Variants in HPSE2 observed in about 807,000 individuals in gnomAD.
HPSE2 encodes the protein inactive heparanase-2.
A neutral mutation model predicts 60.5 loss-of-function variants in HPSE2; 38 were observed. That is an observed-to-expected ratio of 0.63 (90% CI 0.48 to 0.82). HPSE2 has a LOEUF of 0.82. Ranked by LOEUF, HPSE2 falls within the 40% of genes least tolerant of loss-of-function variation. The pLI is 0.00. For synonymous variants in HPSE2, 295 were observed against 293.2 expected (o/e 1.01, Z -0.06); for missense variants, 713 against 740.4 (o/e 0.96, Z 0.43).
chr10:98,688,510 C>T (rs1335203821), intron 6 of HPSE2, among the ~76,000 whole-genome samples: 1 of 87,048 alleles, frequency 1.1e-5, no homozygotes, highest in Non-Finnish European at 2.3e-5. Flanking sequence ...GAATCTTGCT[C>T]TGTTGCCCAG....
Position 99,171,552 on chromosome 10 carries a change from AC to A in HPSE2, c.449-27154del, listed in dbSNP as rs553202305. 1.6e-3 allele frequency among the ~76,000 whole-genome samples: 251 copies of A among 152,314 alleles called. 1 individual carries two copies. The highest frequency in any genetic ancestry group is 5.6e-3 in the African/African-American group (233 of 41,580). ...CCAATATCAAGAGGACCCTAAAAAAACAACCTTATAAGAAAATTAGTTAGAA... is the reference window on the plus strand; with the variant it reads ...CCAATATCAAGAGGACCCTAAAAAAAAACCTTATAAGAAAATTAGTTAGAA... On this transcript the variant is annotated intron_variant, in intron 2 of 11. Transcript: ENST00000370552.
chr10:98,976,957 T>C (rs940993948), intron 3 of HPSE2, among the ~76,000 whole-genome samples: 2 of 152,022 alleles, frequency 1.3e-5, no homozygotes, highest in African/African-American at 4.8e-5. Context: ...CAGGTGGAGA[T>C]TGGAGTGATG....
intron 2 of HPSE2, among the ~76,000 whole-genome samples, chr10:99,156,856 T>C (rs1460536866): frequency 2.5e-5 from 2 of 79,344 alleles, no homozygotes; most frequent in Non-Finnish European, 3.8e-5. Flanking sequence ...AAAACCCCAT[T>C]GTCTCAGCCC....
intron 9 of HPSE2, among the ~76,000 whole-genome samples, chr10:98,530,611 C>A (rs1457932532): frequency 4.6e-5 from 7 of 152,232 alleles, no homozygotes; most frequent in African/African-American, 1.7e-4. Context: ...CACTGCCTGA[C>A]AAGCTCCTGG....
intron 10 of HPSE2, among the ~76,000 whole-genome samples, chr10:98,485,162 G>A (rs971868030): frequency 6.6e-6 from 1 of 152,148 alleles, no homozygotes; most frequent in African/African-American, 2.4e-5. Flanking sequence ...AGTTTCCAGG[G>A]CTCTTCCGTG....
At chr10:98,937,921 C>T (rs1954857702) in intron 3 of HPSE2, among the ~76,000 whole-genome samples, 2 of 143,566 alleles carry the variant, frequency 1.4e-5, no homozygotes, top group South Asian at 2.1e-4. Context: ...CAGCAGCATT[C>T]GCGGTTCATA....
rs1849810451 is a variant in HPSE2, at chr10:99,235,536, ATGAATGATGGAC to A, written c.255_266del (p.Ser86_His89del). The A allele has an allele frequency of 6.2e-7, 1 of 1,614,164 alleles. No individual in the cohort carries two copies. Among genetic ancestry groups the A allele is most frequent in the African/African-American group, 1.3e-5 (1 of 75,034 alleles). ...ACCTTAGGAAATCGAGCCAGCCATC[ATGAATGATGGAC>A]GGATCCAGCTGCAGAGAGAGGAAGT... On this transcript the variant is annotated inframe_deletion, in exon 1 of 12. Transcript: ENST00000370552.
intron 3 of HPSE2, among the ~76,000 whole-genome samples, chr10:98,893,585 T>C (rs1270731576): frequency 1.3e-5 from 2 of 152,126 alleles, no homozygotes; most frequent in East Asian, 3.9e-4. Context: ...GCAAATTAGA[T>C]ACCCTGAACA....
intron 3 of HPSE2, among the ~76,000 whole-genome samples, chr10:98,801,114 T>A (rs908443239): frequency 2.0e-5 from 3 of 152,158 alleles, no homozygotes; most frequent in Non-Finnish European, 4.4e-5. Flanking sequence ...AAAAACCATA[T>A]GATCATTTCA....
chr10:99,307,903 CAG>C, the HPSE2 span, among the ~76,000 whole-genome samples: 5 of 150,106 alleles, frequency 3.3e-5, no homozygotes, highest in East Asian at 1.9e-4. Flanking sequence ...AAACCTGAAA[CAG>C]AGGTTCACAA....
chr10:98,583,973 T>C (rs1354385419), intron 9 of HPSE2, among the ~76,000 whole-genome samples: 1 of 152,186 alleles, frequency 6.6e-6, no homozygotes, highest in Non-Finnish European at 1.5e-5. Flanking sequence ...AAAAATCACC[T>C]ACAGGCTTTT....
At chr10:98,502,905 C>T (rs889302121) in intron 9 of HPSE2, among the ~76,000 whole-genome samples, 3 of 152,114 alleles carry the variant, frequency 2.0e-5, no homozygotes, top group Non-Finnish European at 4.4e-5. Context: ...AAATGGCCAA[C>T]AAACATATGA....
intron 3 of HPSE2, among the ~76,000 whole-genome samples, chr10:99,139,600 C>A (rs554971431): frequency 2.0e-5 from 3 of 151,964 alleles, no homozygotes; most frequent in Non-Finnish European, 2.9e-5. Context: ...TTATAAAGCA[C>A]GAACACAAGG....
chr10:98,780,332 T>A (rs1565158144), intron 3 of HPSE2, among the ~76,000 whole-genome samples: 1 of 152,184 alleles, frequency 6.6e-6, no homozygotes, highest in African/African-American at 2.4e-5. Context: ...TTGGCAATGA[T>A]TAAATAAATA....
intron 9 of HPSE2, among the ~76,000 whole-genome samples, chr10:98,492,285 G>A (rs578175731): frequency 6.6e-6 from 1 of 152,184 alleles, no homozygotes; most frequent in South Asian, 2.1e-4. Flanking sequence ...GGCAGATCAC[G>A]AGGTCAGGAG....
Position 98,522,160 on chromosome 10 carries a change from T to C in HPSE2, c.1321-31964A>G, listed in dbSNP as rs530633983. ...ATAAAAAAAAAAAGAATCAACTACATGGGATTGTTAGGAAGTTTAAATGGT... is the reference window on the plus strand; with the variant it reads ...ATAAAAAAAAAAAGAATCAACTACACGGGATTGTTAGGAAGTTTAAATGGT... On this transcript the variant is annotated intron_variant, in intron 9 of 11. Transcript: ENST00000370552. Among the ~76,000 whole-genome samples the C allele has an allele frequency of 5.3e-5, 8 of 150,938 alleles. No individual in the cohort carries two copies. In the South Asian group the frequency reaches 1.7e-3, roughly 31 times the overall value.
At chr10:98,491,351 T>C (rs1271671082) in intron 9 of HPSE2, among the ~76,000 whole-genome samples, 2 of 152,198 alleles carry the variant, frequency 1.3e-5, no homozygotes, top group Non-Finnish European at 2.9e-5. Flanking sequence ...CTCTAAGCCA[T>C]GCACAACCAT....
intron 5 of HPSE2, among the ~76,000 whole-genome samples, chr10:98,714,684 A>G (rs997952458): frequency 6.6e-6 from 1 of 151,796 alleles, no homozygotes; most frequent in Non-Finnish European, 1.5e-5. Context: ...TTGTGTGGAT[A>G]TATGTTTTTA....
At chr10:99,059,173 A>G (rs1047214228) in intron 3 of HPSE2, among the ~76,000 whole-genome samples, 5 of 152,190 alleles carry the variant, frequency 3.3e-5, no homozygotes, top group African/African-American at 1.2e-4. Flanking sequence ...GATTTGGCCC[A>G]TGGGCCATAG....
Sources: allele counts gnomAD v4.1 joint callset (sites outside exome capture counted in the v4.1 genomes callset), GRCh38; gene constraint gnomAD v4.1.1; transcripts MANE v1.5; gene names NCBI Gene and HGNC (gene_info 2026-07-23, HGNC 2026-07-21).